PCDHGA8: variants seen among roughly 807,000 people sequenced by gnomAD.
PCDHGA8 encodes the protein protocadherin gamma-A8.
Under a neutral mutation model 59.2 loss-of-function variants are expected in PCDHGA8, and 45 were observed. The ratio of observed to expected loss-of-function variants is 0.76; its 90% CI spans 0.60 to 0.98. The LOEUF is 0.98. PCDHGA8 is among the 50% of genes least tolerant of loss of function. The pLI, the probability that PCDHGA8 is intolerant of heterozygous loss-of-function variation, is 0.00. For synonymous variants in PCDHGA8, 531 were observed against 519.0 expected, an observed-to-expected ratio of 1.02 and a Z score of -0.32; for missense variants, 1,257 against 1,196.2, an observed-to-expected ratio of 1.05 and a Z score of -0.75.
Position 141,421,724 on chromosome 5 carries a change from A to G in PCDHGA8, c.2424+26487A>G, listed in dbSNP as rs541532003. On this transcript the variant is annotated intron_variant, in intron 1 of 3. Transcript: ENST00000398604. ...GCTAGGGATCCAGATGTGGGCGTGA[A>G]CTCCCTCCAGAGCTACCAGCTCAGC... 250 of 1,613,766 alleles carry G rather than the reference A, an allele frequency of 1.5e-4. 5 individuals are homozygous for G. The South Asian group carries it at 2.6e-3, about 17-fold the overall frequency.
chr5:141,505,486 G>A lies in PCDHGA8; in HGVS notation c.2572+5G>A, dbSNP rs1291166546. The A allele has an allele frequency of 1.8e-5, 29 of 1,614,088 alleles. No homozygotes were observed. The highest frequency in any genetic ancestry group is 2.1e-5 in the Non-Finnish European group (25 of 1,180,018). On this transcript the variant is annotated splice_donor_5th_base_variant and intron_variant, in intron 3 of 3. Transcript: ENST00000398604. ...TGATCTTGGCGTCCGCCAGTGGTAA[G>A]TGGTGTCAGTGTGTGTATGGAAGAG...
In PCDHGA8 at chr5:141,512,874, C is replaced by G. The variant is rs2099884476; in HGVS notation, c.*1701C>G. The G allele has an allele frequency of 6.6e-6, 1 of 152,246 alleles. No homozygotes were observed. Among genetic ancestry groups the G allele is most frequent in the Non-Finnish European group, 1.5e-5 (1 of 68,062 alleles). 9.4% of individuals were successfully genotyped at this position (152,246 alleles called of 1,614,324 possible). ...CTTCTCTTCGCATAGTCACGTAGCT[C>G]CCACCCCACCCTCTTCCTGTGTCTC... On this transcript the variant is annotated 3_prime_UTR_variant, in exon 4 of 4. Transcript: ENST00000398604.
At chr5:141,478,524 C>T in intron 1 of PCDHGA8, 1 of 1,609,844 alleles carries the variant, frequency 6.2e-7, no homozygotes, top group Non-Finnish European at 8.5e-7. Flanking sequence ...GTGTTGGGTG[C>T]AGAGAGCGCC....
At chr5:141,428,187 C>A in intron 1 of PCDHGA8, 1 of 1,439,502 alleles carries the variant, frequency 6.9e-7, no homozygotes, top group Non-Finnish European at 9.6e-7. Flanking sequence ...GGACAGCCGC[C>A]GCTCTCTGCG....
Position 141,485,718 on chromosome 5 carries a change from T to A in PCDHGA8, c.2425-9089T>A, listed in dbSNP as rs562192762. ...TCCAATGAACACTTTGCACTGGATG[T>A]GAAGAAGCGCAGCGACGGCAGCCTG... On this transcript the variant is annotated intron_variant, in intron 1 of 3. Coordinates refer to ENST00000398604, the MANE Select transcript of PCDHGA8 (RefSeq NM_032088.2). The surrounding 1 kb of genome is among the most constrained non-coding windows in gnomAD (Gnocchi z 5.7). 1 of 1,614,058 alleles carries A rather than the reference T, an allele frequency of 6.2e-7. No homozygotes were observed. The highest frequency in any genetic ancestry group is 2.2e-5 in the East Asian group (1 of 44,866).
chr5:141,485,446 C>A lies in PCDHGA8; in HGVS notation c.2425-9361C>A. On this transcript the variant is annotated intron_variant, in intron 1 of 3. Transcript: ENST00000398604. This position sits in a 1 kb window ranked among gnomAD's most constrained non-coding sequence, Gnocchi z 5.7. ...CCCTGCTCATCAAGAACCCAATCGA[C>A]CGAGAGGCACTGTGTGGGCTCAGTG... is the stretch of plus-strand genomic sequence containing the variant. 6.2e-7 allele frequency: 1 copy of A among 1,614,156 alleles called. No individual in the cohort carries two copies. The highest frequency in any genetic ancestry group is 8.5e-7 in the Non-Finnish European group (1 of 1,180,018).
In PCDHGA8 at chr5:141,490,654, C is replaced by A; in HGVS notation, c.2425-4153C>A. On this transcript the variant is annotated intron_variant, in intron 1 of 3. Transcript: ENST00000398604. The surrounding 1 kb of genome is among the most constrained non-coding windows in gnomAD (Gnocchi z 5.4). ...CCTAGAAAACCGGCCTCCGGGCTCC[C>A]TTCTTTGCACTGTGGCTGCCTCAGA... 6.2e-7 allele frequency: 1 copy of A among 1,614,206 alleles called. No individual in the cohort carries two copies. Among genetic ancestry groups the A allele is most frequent in the Non-Finnish European group, 8.5e-7 (1 of 1,180,014 alleles).
At position 141,476,051 on chromosome 5, in the gene PCDHGA8, GA is replaced by G; in HGVS notation, c.2425-18753del. On this transcript the variant is annotated intron_variant, in intron 1 of 3. Transcript: ENST00000398604. This position sits in a 1 kb window ranked among gnomAD's most constrained non-coding sequence, Gnocchi z 7.6. ...CCCAGCGCCCAAGCGCTAACCCGCT[GA>G]AAGTTTCTCAGCGAAATCTCAGGGA... 1.3e-6 allele frequency: 2 copies of G among 1,504,270 alleles called. No individual in the cohort carries two copies. The highest frequency in any genetic ancestry group is 1.8e-6 in the Non-Finnish European group (2 of 1,133,694). The allele number at this position is 1,504,270 out of a possible 1,614,324, so 93.2% of individuals were successfully genotyped here.
intron 1 of PCDHGA8, among the ~76,000 whole-genome samples, chr5:141,456,985 A>C (rs2098902590): frequency 6.6e-6 from 1 of 152,204 alleles, no homozygotes; most frequent in Non-Finnish European, 1.5e-5. Context: ...ACAAACAAAC[A>C]AACAAAAACT....
chr5:141,402,422 T>C (rs1385083470), intron 1 of PCDHGA8, among the ~76,000 whole-genome samples: 2 of 151,998 alleles, frequency 1.3e-5, no homozygotes, highest in African/African-American at 2.4e-5. Context: ...CAGAAAAAAT[T>C]GAAGCATCAT....
At chr5:141,422,963 C>A (rs372620011) in intron 1 of PCDHGA8, 1 of 1,614,120 alleles carries the variant, frequency 6.2e-7, no homozygotes, top group Non-Finnish European at 8.5e-7. Flanking sequence ...GTGGAGCTGG[C>A]GCCCCGCTCT....
intron 1 of PCDHGA8, chr5:141,417,612 T>C: frequency 1.6e-6 from 1 of 617,852 alleles, no homozygotes; most frequent in Non-Finnish European, 2.6e-6. Flanking sequence ...CGTCGGCCAG[T>C]GCAGAGCAAG....
At chr5:141,447,023 G>GTT (rs5871773) in intron 1 of PCDHGA8, among the ~76,000 whole-genome samples, 2,010 of 151,524 alleles carry the variant, frequency 0.013, 40 homozygotes, top group African/African-American at 0.047. Context: ...GTTTTGTTTT[G>GTT]TTTTTTTTCT....
chr5:141,492,285 A>T (rs2099739112), intron 1 of PCDHGA8, among the ~76,000 whole-genome samples: 1 of 152,132 alleles, frequency 6.6e-6, no homozygotes, highest in African/African-American at 2.4e-5. Flanking sequence ...CGCCCCGCCA[A>T]CACGTGCGCG....
At chr5:141,423,591 A>G in intron 1 of PCDHGA8, 1 of 1,613,312 alleles carries the variant, frequency 6.2e-7, no homozygotes, top group South Asian at 1.1e-5. Context: ...GCTGTGAGAA[A>G]AGCGAGCCAC....
intron 1 of PCDHGA8, among the ~76,000 whole-genome samples, chr5:141,447,752 G>T (rs2154561873): frequency 6.6e-6 from 1 of 152,280 alleles, no homozygotes; most frequent in Admixed American, 6.5e-5. Context: ...TCTTGCATGT[G>T]ACTGTATATA....
chr5:141,424,246 A>G (rs971050268), intron 1 of PCDHGA8: 2 of 154,772 alleles, frequency 1.3e-5, no homozygotes, highest in African/African-American at 4.8e-5. Context: ...GTGGCTGGTA[A>G]TATGCTTAGA....
At chr5:141,438,366 G>A (rs749623408) in intron 1 of PCDHGA8, among the ~76,000 whole-genome samples, 6 of 151,462 alleles carry the variant, frequency 4.0e-5, no homozygotes, top group Non-Finnish European at 7.4e-5. Context: ...TTGTCATTGA[G>A]GGCAGATATA....
At position 141,477,843 on chromosome 5, in the gene PCDHGA8, C is replaced by T; in HGVS notation, c.2425-16964C>T. The T allele has an allele frequency of 6.2e-7, 1 of 1,613,408 alleles. No homozygotes were observed. Among genetic ancestry groups the T allele is most frequent in the Non-Finnish European group, 8.5e-7 (1 of 1,179,796 alleles). On this transcript the variant is annotated intron_variant, in intron 1 of 3. Coordinates refer to ENST00000398604, the MANE Select transcript of PCDHGA8 (RefSeq NM_032088.2). The surrounding 1 kb of genome is among the most constrained non-coding windows in gnomAD (Gnocchi z 4.9). Reference sequence around the variant, plus strand: ...CTATATCCTCGGCCAGGTGGGAGCTCGGTGGAGATGCTGCCTCGAGGTACC... The same window carrying T: ...CTATATCCTCGGCCAGGTGGGAGCTTGGTGGAGATGCTGCCTCGAGGTACC...
Sources: gnomAD v4.1 joint callset for allele counts (sites outside exome capture counted in the v4.1 genomes callset) on GRCh38, gnomAD v4.1.1 for gene constraint, Gnocchi (gnomAD v3.1) non-coding constraint, MANE v1.5 for transcripts, NCBI Gene and HGNC (gene_info 2026-07-23, HGNC 2026-07-21) for gene names.